CPAMD8: variants seen among roughly 807,000 people sequenced by gnomAD.
CPAMD8 encodes the protein C3 and PZP like alpha-2-macroglobulin domain containing 8, also known as C3 and PZP-like alpha-2-macroglobulin domain-containing protein 8.
In CPAMD8, 146 loss-of-function variants were observed where a neutral mutation model predicts 224.7. That is an observed-to-expected ratio of 0.65 (90% confidence interval 0.57 to 0.75). The LOEUF (loss-of-function observed/expected upper bound fraction) is 0.75. Among genes scored for constraint, CPAMD8 ranks in the 30% least tolerant of loss-of-function variants. The probability of loss-of-function intolerance (pLI) is 0.00; values close to 1 mark genes in which losing one functional copy is unlikely to be tolerated. For synonymous variants in CPAMD8, 966 were observed against 1,044.6 expected (o/e 0.92, Z 1.45); for missense variants, 2,301 against 2,537.5 (o/e 0.91, Z 2.00).
At chr19:16,942,355 A>G (rs1355299593) in intron 22 of CPAMD8, among the ~76,000 whole-genome samples, 1 of 151,998 alleles carries the variant, frequency 6.6e-6, no homozygotes, top group Non-Finnish European at 1.5e-5. Flanking sequence ...CCCGCTACTC[A>G]GGAGGCTGAG....
intron 23 of CPAMD8, among the ~76,000 whole-genome samples, chr19:16,930,646 T>C (rs1402091717): frequency 1.3e-5 from 2 of 152,110 alleles, no homozygotes; most frequent in Non-Finnish European, 2.9e-5. Flanking sequence ...CCGTGGACTC[T>C]AGCAGCTCTA....
At chr19:16,900,941 G>A (rs2052228266) in intron 36 of CPAMD8, among the ~76,000 whole-genome samples, 1 of 151,028 alleles carries the variant, frequency 6.6e-6, no homozygotes, top group South Asian at 2.1e-4. Flanking sequence ...GAGCCTGGAA[G>A]TTCAAGGCTC....
chr19:17,004,304 C>T lies in CPAMD8; in HGVS notation c.642G>A (p.Ala214=), dbSNP rs559551290. The change falls in exon 8 of 42, where the codon GCG becomes GCA. Residue 214 remains alanine (A), a synonymous_variant. Transcript: ENST00000443236. ...WFIFVEMQGH[A]YNKSFEVQKY... is the part of the protein sequence containing the mutation. Reference sequence around the variant, plus strand: ...TCTGAACTTCAAAAGACTTGTTGTACGCGTGGCCTTGCATTTCAACAAAAA... The same window carrying T: ...TCTGAACTTCAAAAGACTTGTTGTATGCGTGGCCTTGCATTTCAACAAAAA... 4.0e-5 allele frequency: 64 copies of T among 1,610,874 alleles called. No individual in the cohort carries two copies. Among genetic ancestry groups the T allele is most frequent in the African/African-American group, 1.5e-4 (11 of 74,980 alleles).
chr19:16,933,321 T>C (rs1007381005), intron 23 of CPAMD8, among the ~76,000 whole-genome samples: 1 of 151,398 alleles, frequency 6.6e-6, no homozygotes, highest in African/African-American at 2.4e-5. Flanking sequence ...AAAGAAAAAA[T>C]AATAAATTGC....
chr19:17,009,428 G>C, intron 5 of CPAMD8, 108 bp from the exon 6 acceptor site: 1 of 1,574,196 alleles, frequency 6.4e-7, no homozygotes, highest in Non-Finnish European at 8.7e-7. Flanking sequence ...CGCTGTTATG[G>C]GTTAAACAGT....
At chr19:16,946,425 T>TTG (rs140633335) in intron 21 of CPAMD8, among the ~76,000 whole-genome samples, 2 of 145,226 alleles carry the variant, frequency 1.4e-5, no homozygotes, top group Non-Finnish European at 3.0e-5. Flanking sequence ...GTGTGTGGAT[T>TTG]TGTGTGTGTG....
chr19:16,947,049 A>AC (rs1568512639), intron 21 of CPAMD8, 25 bp downstream of exon 21: 1 of 1,564,110 alleles, frequency 6.4e-7, no homozygotes, highest in African/African-American at 1.4e-5. Context: ...GAGGGGGGAC[A>AC]CCCCAAGAAC....
chr19:17,015,758 G>A (rs962363077), intron 3 of CPAMD8, among the ~76,000 whole-genome samples: 6 of 152,238 alleles, frequency 3.9e-5, no homozygotes, highest in Admixed American at 1.3e-4. Flanking sequence ...AGCAGGGCAA[G>A]GATGGGCAGG....
At chr19:16,948,726 T>A (rs2054186369) in intron 20 of CPAMD8, among the ~76,000 whole-genome samples, 1 of 137,146 alleles carries the variant, frequency 7.3e-6, no homozygotes, top group African/African-American at 2.8e-5. Flanking sequence ...AGAGCGAGAC[T>A]CCATCAAAAG....
intron 23 of CPAMD8, 48 bp from the exon 24 acceptor site, chr19:16,929,288 T>C: frequency 6.8e-7 from 1 of 1,478,578 alleles, no homozygotes; most frequent in East Asian, 2.3e-5. Flanking sequence ...CCTGGAGGCA[T>C]CCCACTTTCC....
intron 8 of CPAMD8, among the ~76,000 whole-genome samples, chr19:17,003,674 A>T (rs2056400387): frequency 6.6e-6 from 1 of 150,504 alleles, no homozygotes; most frequent in Admixed American, 6.6e-5. Flanking sequence ...GCAACTCAGG[A>T]GGCTGAGGAG....
chr19:16,978,645 C>G (rs1023980917), intron 14 of CPAMD8, among the ~76,000 whole-genome samples: 1 of 152,130 alleles, frequency 6.6e-6, no homozygotes, highest in Non-Finnish European at 1.5e-5. Context: ...GCCAGAGATG[C>G]TATTCAGCAT....
chr19:16,987,465 C>T (rs1182399449), intron 13 of CPAMD8, among the ~76,000 whole-genome samples: 2 of 151,662 alleles, frequency 1.3e-5, no homozygotes, highest in Non-Finnish European at 2.9e-5. Context: ...CACGAACAGT[C>T]AAGATATTTT....
Position 16,893,268 on chromosome 19 carries a change from A to G in CPAMD8, c.5498T>C (p.Phe1833Ser). ...LESSTQSASP[F>S]HRWGQTPAPQ... is the part of the protein sequence containing the mutation. The stretch of plus-strand genomic sequence containing the variant: ...GGCCGGAGTCTGGCCCCATCTGTGG[A>G]ACGGGCTGGCGCTCTGGGTGCTGCT... The change falls in exon 42 of 42, where the codon TTC becomes TCC. Residue 1833 changes from phenylalanine to serine, a missense_variant. By Grantham distance (155) the Phe-to-Ser change is radical (BLOSUM62 -2). Around this residue, in one of 4 missense-constraint regions of CPAMD8, gnomAD observed 1,709 missense variants for 1,753.2 expected, o/e 0.97. Coordinates refer to ENST00000443236, the MANE Select transcript of CPAMD8 (RefSeq NM_015692.5). 1 of 1,567,178 alleles carries G rather than the reference A, an allele frequency of 6.4e-7. No homozygotes were observed. Among genetic ancestry groups the G allele is most frequent in the Non-Finnish European group, 8.7e-7 (1 of 1,155,432 alleles).
chr19:16,978,488 G>A (rs1277550682), intron 14 of CPAMD8, among the ~76,000 whole-genome samples: 3 of 152,182 alleles, frequency 2.0e-5, no homozygotes, highest in African/African-American at 7.2e-5. Context: ...GACCAAGAGG[G>A]TGAAGGTGCA....
chr19:16,996,255 T>C (rs2056119189), intron 11 of CPAMD8, among the ~76,000 whole-genome samples: 2 of 152,272 alleles, frequency 1.3e-5, no homozygotes, highest in Admixed American at 6.5e-5. Flanking sequence ...GGCGGATTGC[T>C]TGAATCCAGG....
chr19:16,899,660 G>C lies in CPAMD8; in HGVS notation c.4774-111C>G. On this transcript the variant is annotated intron_variant, in intron 36 of 41. Coordinates refer to ENST00000443236, the MANE Select transcript of CPAMD8 (RefSeq NM_015692.5). This position sits in a 1 kb window ranked among gnomAD's most constrained non-coding sequence, Gnocchi z 5.4. Reference sequence around the variant, plus strand: ...TTGGACTTGCCCACAAGTTACCATGGGCTGGGGTCTGGGTGCTGGTCAGTG... The same window carrying C: ...TTGGACTTGCCCACAAGTTACCATGCGCTGGGGTCTGGGTGCTGGTCAGTG... 1 of 687,578 alleles carries C rather than the reference G, an allele frequency of 1.5e-6. No homozygotes were observed. The allele number at this position is 687,578 out of a possible 1,614,324, so 42.6% of individuals were successfully genotyped here. A position where few individuals can be genotyped will look rare whatever the true frequency, so the allele number is the denominator to read the frequency against.
chr19:16,892,986 A>G lies in CPAMD8; in HGVS notation c.*122T>C. On this transcript the variant is annotated 3_prime_UTR_variant, in exon 42 of 42. Transcript: ENST00000443236. ...ATCAGTAACGTGTATTCTTGTCAAT[A>G]TCCTGGAGTGATCATTTACCAGAGT... The G allele has an allele frequency of 1.3e-6, 1 of 770,838 alleles. No individual in the cohort carries two copies. The highest frequency in any genetic ancestry group is 1.4e-5 in the South Asian group (1 of 73,696). The allele number at this position is 770,838 out of a possible 1,614,324, so 47.7% of individuals were successfully genotyped here. A position where few individuals can be genotyped will look rare whatever the true frequency, so the allele number is the denominator to read the frequency against.
At chr19:17,002,917 T>G (rs892273286) in intron 8 of CPAMD8, among the ~76,000 whole-genome samples, 3 of 151,158 alleles carry the variant, frequency 2.0e-5, no homozygotes, top group African/African-American at 7.3e-5. Context: ...TTTCTTTTTT[T>G]TTTTGAGACA....
Sources: allele counts gnomAD v4.1 joint callset (sites outside exome capture counted in the v4.1 genomes callset), GRCh38; gene constraint gnomAD v4.1.1; regional missense constraint gnomAD v4.1.1; non-coding constraint Gnocchi (gnomAD v3.1); transcripts MANE v1.5; gene names NCBI Gene and HGNC (gene_info 2026-07-23, HGNC 2026-07-21).